Variants in CSMD1 observed in about 807,000 individuals in gnomAD.
CSMD1 encodes CUB and sushi domain-containing protein 1.
Under a neutral mutation model 417.5 loss-of-function variants are expected in CSMD1, and 213 were observed. The observed-to-expected ratio is 0.51, with a 90% CI of 0.46 to 0.57. The LOEUF (loss-of-function observed/expected upper bound fraction) is 0.57, where lower values mean the gene tolerates loss of function less well. CSMD1 is among the 20% of genes least tolerant of loss of function. The probability of loss-of-function intolerance (pLI) is 0.00; values close to 1 mark genes in which losing one functional copy is unlikely to be tolerated. For missense variants in CSMD1, 6,923 were observed against 4,529.7 expected (o/e 1.53, Z -15.17); for synonymous variants, 2,862 against 1,736.8 (o/e 1.65, Z -16.11).
chr8:3,487,348 C>T (rs760207881), intron 11 of CSMD1, among the ~76,000 whole-genome samples: 1 of 152,082 alleles, frequency 6.6e-6, no homozygotes, highest in Non-Finnish European at 1.5e-5. Context: ...ACTACAGGCG[C>T]CCGCCACCAC....
chr8:4,414,623 G>C (rs1055614143), intron 3 of CSMD1, among the ~76,000 whole-genome samples: 3 of 151,942 alleles, frequency 2.0e-5, no homozygotes, highest in African/African-American at 4.8e-5. Context: ...CTGCATGCGT[G>C]GGTGTGTTCA....
chr8:4,138,989 T>A (rs1803609302), intron 3 of CSMD1, among the ~76,000 whole-genome samples: 1 of 152,146 alleles, frequency 6.6e-6, no homozygotes, highest in Non-Finnish European at 1.5e-5. Context: ...GAGCTGTGGG[T>A]TGACTGTACG....
At chr8:3,828,038 G>C (rs564977701) in intron 5 of CSMD1, among the ~76,000 whole-genome samples, 2 of 152,306 alleles carry the variant, frequency 1.3e-5, no homozygotes, top group South Asian at 4.1e-4. Flanking sequence ...ATTTGTGTGT[G>C]ATATACTCCA....
chr8:3,997,584 C>G (rs1432556240), intron 5 of CSMD1, among the ~76,000 whole-genome samples: 1 of 152,298 alleles, frequency 6.6e-6, no homozygotes, highest in South Asian at 2.1e-4. Flanking sequence ...TCTCTGCTCA[C>G]AGTGAAACAG....
Position 4,687,399 on chromosome 8 carries a change from AC to A in CSMD1, c.86-49842del, listed in dbSNP as rs540950350. ...TATAGCTTACAAATGTCATAAAAAT[AC>A]GTACTAGAGTGGAAAGAAAATGAAA... On this transcript the variant is annotated intron_variant, in intron 1 of 69. Transcript: ENST00000635120. 2.2e-4 allele frequency among the ~76,000 whole-genome samples: 33 copies of A among 152,328 alleles called. No individual in the cohort carries two copies. In the East Asian group the frequency reaches 6.2e-3, roughly 29 times the overall value.
chr8:3,346,738 C>G (rs1269915835), intron 22 of CSMD1, among the ~76,000 whole-genome samples: 1 of 152,198 alleles, frequency 6.6e-6, no homozygotes, highest in Non-Finnish European at 1.5e-5. Context: ...AGTGTTTTCC[C>G]TTTTAGTTGG....
chr8:4,296,752 G>A (rs983664705), intron 3 of CSMD1, among the ~76,000 whole-genome samples: 7 of 109,306 alleles, frequency 6.4e-5, no homozygotes, highest in African/African-American at 2.5e-4. Context: ...TATTTCTACT[G>A]TATAATGATT....
At chr8:3,248,060 G>A (rs1186471441) in intron 26 of CSMD1, among the ~76,000 whole-genome samples, 2 of 152,196 alleles carry the variant, frequency 1.3e-5, no homozygotes, top group Non-Finnish European at 2.9e-5. Context: ...GTGCAAAGTG[G>A]CTCATGTCTG....
At chr8:3,683,614 T>G (rs1345284620) in intron 7 of CSMD1, among the ~76,000 whole-genome samples, 3 of 152,196 alleles carry the variant, frequency 2.0e-5, no homozygotes, top group Non-Finnish European at 4.4e-5. Flanking sequence ...CTGCCAGGTC[T>G]TCCGCTGAAA....
intron 3 of CSMD1, among the ~76,000 whole-genome samples, chr8:4,082,460 A>G (rs1800189072): frequency 1.3e-5 from 2 of 152,188 alleles, no homozygotes; most frequent in African/African-American, 2.4e-5. Flanking sequence ...AAGATTGCCT[A>G]AGTAGTTCTA....
At chr8:4,183,708 A>T (rs1798507154) in intron 3 of CSMD1, among the ~76,000 whole-genome samples, 1 of 152,238 alleles carries the variant, frequency 6.6e-6, no homozygotes, top group Non-Finnish European at 1.5e-5. Flanking sequence ...AAAACTATCA[A>T]ATGATGAAAA....
chr8:3,580,469 C>G (rs1020746242), intron 9 of CSMD1, among the ~76,000 whole-genome samples: 1 of 152,010 alleles, frequency 6.6e-6, no homozygotes, highest in African/African-American at 2.4e-5. Context: ...CTGGCAAGCT[C>G]TAGGAATGTA....
chr8:3,438,548 G>A (rs916327957), intron 12 of CSMD1, among the ~76,000 whole-genome samples: 3 of 152,190 alleles, frequency 2.0e-5, no homozygotes, highest in Non-Finnish European at 4.4e-5. Flanking sequence ...ACTCTCTGGA[G>A]AGTCATCAAG....
chr8:3,802,161 A>G (rs528419710), intron 5 of CSMD1, among the ~76,000 whole-genome samples: 1 of 152,284 alleles, frequency 6.6e-6, no homozygotes, highest in South Asian at 2.1e-4. Flanking sequence ...TTCAAAAAAT[A>G]ATTACTATGA....
chr8:3,128,992 T>A, intron 41 of CSMD1: 1 of 378,770 alleles, frequency 2.6e-6, no homozygotes, highest in Non-Finnish European at 5.2e-6. Flanking sequence ...TGGAGTTAAG[T>A]GTGAAGCAAA....
chr8:3,355,429 G>A (rs549999209), intron 21 of CSMD1, among the ~76,000 whole-genome samples: 1 of 152,236 alleles, frequency 6.6e-6, no homozygotes, highest in African/African-American at 2.4e-5. Context: ...TTCAGTTTTT[G>A]TTATTATTCA....
chr8:4,923,355 T>C (rs9657404), intron 1 of CSMD1, among the ~76,000 whole-genome samples: 103,922 of 151,830 alleles, frequency 0.68, 36,278 homozygotes, highest in African/African-American at 0.81. Context: ...TCTTAAAGGG[T>C]TGGCATACAT....
At chr8:3,085,528 AAAG>A (rs1563322711) in intron 49 of CSMD1, among the ~76,000 whole-genome samples, 2 of 152,362 alleles carry the variant, frequency 1.3e-5, no homozygotes, top group South Asian at 4.1e-4. Context: ...TGTTCCACAC[AAAG>A]AAGAGATACC....
At chr8:3,644,871 G>T (rs752980827) in intron 7 of CSMD1, among the ~76,000 whole-genome samples, 1 of 149,350 alleles carries the variant, frequency 6.7e-6, no homozygotes, top group Admixed American at 6.7e-5. Flanking sequence ...TTGCTGTTGG[G>T]TGCATCTGCC....
Sources: allele counts gnomAD v4.1 joint callset (sites outside exome capture counted in the v4.1 genomes callset), GRCh38; gene constraint gnomAD v4.1.1; transcripts MANE v1.5; gene names NCBI Gene and HGNC (gene_info 2026-07-23, HGNC 2026-07-21).